The following VWDE variants were observed in gnomAD, a reference collection of about 807,000 sequenced individuals.
VWDE encodes the protein von Willebrand factor D and EGF domain-containing protein.
VWDE carries 207 observed loss-of-function variants against 178.4 expected under a neutral mutation model. The ratio of observed to expected loss-of-function variants is 1.16; its 90% CI spans 1.04 to 1.30. The LOEUF is 1.30. Ranked by LOEUF, VWDE falls within the 50% of genes most tolerant of loss-of-function variation. The pLI, the probability that VWDE is intolerant of heterozygous loss-of-function variation, is 0.00. For synonymous variants in VWDE, 738 were observed against 651.4 expected (o/e 1.13, Z -2.02); for missense variants, 2,287 against 1,901.3 (o/e 1.20, Z -3.77).
rs908014492 is a variant in VWDE at position 12,333,447 on chromosome 7, C to G, written c.4758+18G>C. On this transcript the variant is annotated intron_variant, in intron 28 of 28. Coordinates refer to ENST00000275358, the MANE Select transcript of VWDE (RefSeq NM_001135924.3). ...TGTCAATGTCTAATATTTATTTTCT[C>G]TTTAAACTCTGAAATACCTGTATTT... 3.4e-6 allele frequency: 5 copies of G among 1,466,778 alleles called. No individual in the cohort carries two copies. The highest frequency in any genetic ancestry group is 4.6e-6 in the Non-Finnish European group (5 of 1,076,042). 90.9% of individuals were successfully genotyped at this position (1,466,778 alleles called of 1,614,324 possible).
At chr7:12,374,568 G>A in intron 9 of VWDE, 121 bp downstream of exon 9, 1 of 633,994 alleles carries the variant, frequency 1.6e-6, no homozygotes, top group Non-Finnish European at 2.7e-6. Flanking sequence ...AGCCAGTAAT[G>A]CCTTTCTGTC....
At chr7:12,395,190 G>A (rs1047514176) in intron 1 of VWDE, among the ~76,000 whole-genome samples, 11 of 152,186 alleles carry the variant, frequency 7.2e-5, no homozygotes, top group African/African-American at 2.4e-4. Flanking sequence ...TCAACACAAA[G>A]TAAGTATTTT....
intron 18 of VWDE, among the ~76,000 whole-genome samples, chr7:12,352,067 A>G (rs929011879): frequency 4.6e-5 from 7 of 152,194 alleles, no homozygotes; most frequent in Admixed American, 3.9e-4. Flanking sequence ...CCTGGTGAGA[A>G]CATAGCCAGT....
At position 12,369,634 on chromosome 7, in the gene VWDE, G is replaced by C. The variant is rs1429771522; in HGVS notation, c.2672C>G (p.Pro891Arg). 1.3e-5 allele frequency: 20 copies of C among 1,551,464 alleles called. No homozygotes were observed. In the Admixed American group the frequency reaches 2.6e-4, roughly 20 times the overall value. The part of the protein sequence containing the change: ...IEDILSVLKC[P>R]NLCSGNGQCM... ...CTGCCCATTGCCGCTGCATAAATTG[G>C]GGCATTTTAATACTGAGAGAATGTC... is the stretch of plus-strand genomic sequence containing the variant. Residue 891 changes from proline (P) to arginine (R), a missense_variant, in exon 12 of 29, where the codon CCC becomes CGC. By Grantham distance (103) the Pro-to-Arg change is moderately radical. Coordinates refer to ENST00000275358, the MANE Select transcript of VWDE (RefSeq NM_001135924.3).
At position 12,380,396 on chromosome 7, in the gene VWDE, C is replaced by T; in HGVS notation, c.789+90G>A. 7 of 1,463,164 alleles carry T rather than the reference C, an allele frequency of 4.8e-6. No individual in the cohort carries two copies. In the South Asian group the frequency reaches 9.8e-5, roughly 21 times the overall value. The allele number at this position is 1,463,164 out of a possible 1,614,324, so 90.6% of individuals were successfully genotyped here. On this transcript the variant is annotated intron_variant, in intron 5 of 28. Coordinates refer to ENST00000275358, the MANE Select transcript of VWDE (RefSeq NM_001135924.3). Reference sequence around the variant, plus strand: ...ATATTAGGGCTTTATACTCTGGGGACAAAATCTATTTTTTGGATATGATGT... The same window carrying T: ...ATATTAGGGCTTTATACTCTGGGGATAAAATCTATTTTTTGGATATGATGT...
intron 1 of VWDE, among the ~76,000 whole-genome samples, chr7:12,397,228 A>G (rs1784673187): frequency 6.6e-6 from 1 of 152,128 alleles, no homozygotes; most frequent in African/African-American, 2.4e-5. Context: ...AGACACACAG[A>G]CCAATGGAAC....
chr7:12,391,221 T>C (rs1450204864), intron 2 of VWDE, among the ~76,000 whole-genome samples: 2 of 152,324 alleles, frequency 1.3e-5, no homozygotes, highest in Middle Eastern at 3.4e-3. Flanking sequence ...TATGAAGAAA[T>C]GTTGTTCCAT....
rs531840369 is a variant in VWDE at position 12,332,281 on chromosome 7, A to G, written c.4759-1084T>C. Reference sequence around the variant, plus strand: ...AGCAGGTTACAGTAGAACAGGACATATTGTCCTCATGCTTAGCCTTTTATG... The same window carrying G: ...AGCAGGTTACAGTAGAACAGGACATGTTGTCCTCATGCTTAGCCTTTTATG... On this transcript the variant is annotated intron_variant, in intron 28 of 28. Coordinates refer to ENST00000275358, the MANE Select transcript of VWDE (RefSeq NM_001135924.3). Among the ~76,000 whole-genome samples, 24 of 152,180 alleles carry G rather than the reference A, an allele frequency of 1.6e-4. 1 individual carries two copies. In the South Asian group the frequency reaches 4.8e-3, roughly 30 times the overall value.
chr7:12,352,307 C>T (rs7804364), intron 18 of VWDE, among the ~76,000 whole-genome samples: 6,076 of 152,256 alleles, frequency 0.04, 348 homozygotes, highest in African/African-American at 0.13. Context: ...TTCTTATGTG[C>T]CCCACTAGTT....
chr7:12,354,318 A>G (rs1162434855), intron 18 of VWDE: 7 of 400,708 alleles, frequency 1.7e-5, no homozygotes, highest in Non-Finnish European at 3.4e-5. Context: ...TGCAGCAAAA[A>G]AAATCTCATA....
At chr7:12,366,360 T>C (rs1782860797) in intron 13 of VWDE, among the ~76,000 whole-genome samples, 1 of 152,054 alleles carries the variant, frequency 6.6e-6, no homozygotes, top group African/African-American at 2.4e-5. Context: ...AAGTACAAGA[T>C]GTGCTTTCCA....
At chr7:12,371,913 T>C (rs1225717072) in intron 10 of VWDE, among the ~76,000 whole-genome samples, 1 of 152,134 alleles carries the variant, frequency 6.6e-6, no homozygotes, top group Non-Finnish European at 1.5e-5. Flanking sequence ...ACTGGGGGTA[T>C]GCACATCCTT....
chr7:12,375,094 A>G lies in VWDE; in HGVS notation c.1158T>C (p.Asp386=). 2 of 1,551,306 alleles carry G rather than the reference A, an allele frequency of 1.3e-6. No individual in the cohort carries two copies. The highest frequency in any genetic ancestry group is 1.7e-6 in the Non-Finnish European group (2 of 1,146,706). ...YYTAVTDFSR[D]GDRVSNIVVQ... Reference sequence around the variant, plus strand: ...CTACAATGTTTGAGACTCTATCTCCATCTCGAGAAAAATCTGTGACAGCAG... The same window carrying G: ...CTACAATGTTTGAGACTCTATCTCCGTCTCGAGAAAAATCTGTGACAGCAG... The change falls in exon 8 of 29, where the codon GAT becomes GAC. Residue 386 remains aspartate, a synonymous_variant. Transcript: ENST00000275358.
At chr7:12,351,391 A>G (rs1042793637) in intron 19 of VWDE, among the ~76,000 whole-genome samples, 182 bp downstream of exon 19, 2 of 152,186 alleles carry the variant, frequency 1.3e-5, no homozygotes, top group African/African-American at 4.8e-5. Context: ...CATTTTTTCT[A>G]AAATATAAGC....
chr7:12,361,321 T>C (rs761666613), intron 14 of VWDE, 45 bp downstream of exon 14: 2 of 1,540,792 alleles, frequency 1.3e-6, no homozygotes, highest in South Asian at 2.4e-5. Context: ...AAATGTTAAG[T>C]ATTTACTTTG....
chr7:12,395,013 ATTTTGT>A (rs1445275534), intron 1 of VWDE, among the ~76,000 whole-genome samples: 1 of 152,068 alleles, frequency 6.6e-6, no homozygotes, highest in Non-Finnish European at 1.5e-5. Context: ...TCTGCTTTTT[ATTTTGT>A]TTGTAGTTAT....
In VWDE at chr7:12,393,795, G is replaced by A. The variant is rs1319936628; in HGVS notation, c.59-17C>T. ...ACTCCTGAGCTAGTATGGAAAGACAGGTGTTTTTATGTAATGTGTTTTGTT... is the reference window on the plus strand; with the variant it reads ...ACTCCTGAGCTAGTATGGAAAGACAAGTGTTTTTATGTAATGTGTTTTGTT... On this transcript the variant is annotated splice_polypyrimidine_tract_variant and intron_variant, in intron 1 of 28. Coordinates refer to ENST00000275358, the MANE Select transcript of VWDE (RefSeq NM_001135924.3). 6.6e-7 allele frequency: 1 copy of A among 1,518,296 alleles called. No homozygotes were observed. The highest frequency in any genetic ancestry group is 8.8e-7 in the Non-Finnish European group (1 of 1,131,994). The allele number at this position is 1,518,296 out of a possible 1,614,324, so 94.1% of individuals were successfully genotyped here.
intron 7 of VWDE, among the ~76,000 whole-genome samples, chr7:12,376,826 T>A (rs1036117987): frequency 6.6e-6 from 1 of 152,088 alleles, no homozygotes; most frequent in African/African-American, 2.4e-5. Flanking sequence ...TAAGATGACC[T>A]CTCTTAATTC....
At position 12,344,376 on chromosome 7, in the gene VWDE, G is replaced by T; in HGVS notation, c.3980C>A (p.Thr1327Asn). The change falls in exon 20 of 29, where the codon ACT becomes AAT. Residue 1327 changes from threonine to asparagine, a missense_variant and splice_region_variant. Transcript: ENST00000275358. ...KPGYIGSNCQ[T>N]ALCDPDCKNH... ...AACTAATGAATGATGTTACCTACCA[G>T]TTTGGCAGTTAGAACCAATGTAACC... 6.4e-7 allele frequency: 1 copy of T among 1,550,652 alleles called. No homozygotes were observed.
Sources: gnomAD v4.1 joint callset for allele counts (sites outside exome capture counted in the v4.1 genomes callset) on GRCh38, gnomAD v4.1.1 for gene constraint, MANE v1.5 for transcripts, NCBI Gene and HGNC (gene_info 2026-07-23, HGNC 2026-07-21) for gene names.